CERS6: variants seen among roughly 807,000 people sequenced by gnomAD.
The protein encoded by CERS6 is LAG1 homolog, ceramide synthase 6.
Under a neutral mutation model 56.8 loss-of-function variants are expected in CERS6, and 26 were observed. That is an observed-to-expected ratio of 0.46 (90% confidence interval 0.34 to 0.63). CERS6 has a LOEUF of 0.63. Ranked by LOEUF, CERS6 falls within the 30% of genes least tolerant of loss-of-function variation. The pLI is 0.01. For missense variants in CERS6, 415 were observed against 467.5 expected, an observed-to-expected ratio of 0.89 and a Z score of 1.04; for synonymous variants, 164 against 173.3, an observed-to-expected ratio of 0.95 and a Z score of 0.42.
At chr2:168,757,069 C>A (rs1353715161) in intron 8 of CERS6, among the ~76,000 whole-genome samples, 1 of 152,036 alleles carries the variant, frequency 6.6e-6, no homozygotes, top group African/African-American at 2.4e-5. Flanking sequence ...CAAAATGAAG[C>A]AATATATGTA....
chr2:168,669,091 G>C (rs890086113), intron 4 of CERS6, among the ~76,000 whole-genome samples: 11 of 152,074 alleles, frequency 7.2e-5, no homozygotes, highest in African/African-American at 2.7e-4. Flanking sequence ...CAAGAAAAAA[G>C]TTTATTTCTC....
intron 1 of CERS6, among the ~76,000 whole-genome samples, chr2:168,498,572 G>A (rs1290935714): frequency 6.6e-6 from 1 of 152,346 alleles, no homozygotes; most frequent in African/African-American, 2.4e-5. Context: ...AGGCTAACGT[G>A]TATGCAACAT....
At chr2:168,712,932 C>T (rs1306553792) in intron 6 of CERS6, among the ~76,000 whole-genome samples, 1 of 152,114 alleles carries the variant, frequency 6.6e-6, no homozygotes, top group African/African-American at 2.4e-5. Context: ...TAGTCTATCT[C>T]CCCCAGCAAC....
chr2:168,494,614 G>A (rs1014380855), intron 1 of CERS6, among the ~76,000 whole-genome samples: 5 of 152,038 alleles, frequency 3.3e-5, no homozygotes, highest in Non-Finnish European at 7.4e-5. Context: ...GCCCCCTATC[G>A]ACTTCACTAG....
chr2:168,512,753 C>T (rs1485903085), intron 1 of CERS6, among the ~76,000 whole-genome samples: 5 of 150,834 alleles, frequency 3.3e-5, no homozygotes, highest in Admixed American at 2.0e-4. Flanking sequence ...CTGCAACCTC[C>T]GCCTCCCAGG....
At chr2:168,475,426 A>C (rs1694051255) in intron 1 of CERS6, among the ~76,000 whole-genome samples, 1 of 152,122 alleles carries the variant, frequency 6.6e-6, no homozygotes, top group African/African-American at 2.4e-5. Context: ...TTTTAAAAGT[A>C]ACTTTTTGAA....
chr2:168,695,131 G>C (rs149884292), intron 6 of CERS6, 80 bp downstream of exon 6: 1 of 1,041,602 alleles, frequency 9.6e-7, no homozygotes, highest in Non-Finnish European at 1.5e-6. Context: ...ACTCTCAAAG[G>C]CACTCACCCC....
At chr2:168,526,279 G>T (rs552323701) in intron 1 of CERS6, among the ~76,000 whole-genome samples, 1 of 152,062 alleles carries the variant, frequency 6.6e-6, no homozygotes, top group South Asian at 2.1e-4. Context: ...GCTCTCTAAG[G>T]CCTCTTATTT....
intron 3 of CERS6, among the ~76,000 whole-genome samples, chr2:168,577,061 C>T (rs2105393109): frequency 6.6e-6 from 1 of 152,190 alleles, no homozygotes; most frequent in Admixed American, 6.5e-5. Context: ...TAGGTGAATG[C>T]ACAGTTCAGG....
chr2:168,472,037 A>G (rs999968611), intron 1 of CERS6, among the ~76,000 whole-genome samples: 1 of 152,168 alleles, frequency 6.6e-6, no homozygotes, highest in Non-Finnish European at 1.5e-5. Context: ...GAAAGGGAGC[A>G]TAGATTCCTG....
At chr2:168,688,430 A>AC (rs397702491) in intron 4 of CERS6, among the ~76,000 whole-genome samples, 10 of 151,158 alleles carry the variant, frequency 6.6e-5, no homozygotes, top group Non-Finnish European at 1.2e-4. Context: ...AAAAAAAAAA[A>AC]GAAGTTATGC....
At chr2:168,464,760 C>A (rs1022642355) in intron 1 of CERS6, among the ~76,000 whole-genome samples, 2 of 151,088 alleles carry the variant, frequency 1.3e-5, no homozygotes, top group African/African-American at 4.9e-5. Context: ...TGAGTGAGAC[C>A]CCATGTCAAA....
At chr2:168,634,317 T>G (rs1684815056) in intron 4 of CERS6, among the ~76,000 whole-genome samples, 1 of 152,216 alleles carries the variant, frequency 6.6e-6, no homozygotes, top group South Asian at 2.1e-4. Context: ...TGCTCTGAAG[T>G]CCTAGCAGAC....
intron 1 of CERS6, among the ~76,000 whole-genome samples, chr2:168,539,763 A>G (rs563420340): frequency 4.6e-4 from 70 of 152,358 alleles, no homozygotes; most frequent in African/African-American, 1.6e-3. Flanking sequence ...ACGTGTTAGT[A>G]GTTCAGCAAT....
chr2:168,544,881 CA>C (rs1350022754), intron 1 of CERS6, among the ~76,000 whole-genome samples: 1 of 151,922 alleles, frequency 6.6e-6, no homozygotes, highest in East Asian at 1.9e-4. Context: ...CCTATCCTGA[CA>C]TCTGGTCTCT....
At chr2:168,764,555 A>G (rs1358126837) in intron 8 of CERS6, among the ~76,000 whole-genome samples, 1 of 152,064 alleles carries the variant, frequency 6.6e-6, no homozygotes, top group Non-Finnish European at 1.5e-5. Flanking sequence ...AAGCCTTACA[A>G]AATTAAGGAC....
chr2:168,726,973 A>G (rs555368093), intron 8 of CERS6, among the ~76,000 whole-genome samples: 48 of 152,302 alleles, frequency 3.2e-4, no homozygotes, highest in African/African-American at 1.1e-3. Context: ...AAACTGTACC[A>G]GTTTGCCATA....
intron 1 of CERS6, among the ~76,000 whole-genome samples, chr2:168,479,287 C>T (rs1297956642): frequency 1.3e-5 from 2 of 151,654 alleles, no homozygotes; most frequent in African/African-American, 2.4e-5. Flanking sequence ...TTATTTATTC[C>T]ATTTTATGTT....
intron 3 of CERS6, among the ~76,000 whole-genome samples, chr2:168,606,007 G>A (rs1684044180): frequency 6.6e-6 from 1 of 152,170 alleles, no homozygotes; most frequent in Non-Finnish European, 1.5e-5. Context: ...TGAGAAGAGG[G>A]CCACTGTCCT....
Sources: gnomAD v4.1 joint callset for allele counts (sites outside exome capture counted in the v4.1 genomes callset) on GRCh38, gnomAD v4.1.1 for gene constraint, MANE v1.5 for transcripts, NCBI Gene and HGNC (gene_info 2026-07-23, HGNC 2026-07-21) for gene names.